SLIT2: variants seen among roughly 807,000 people sequenced by gnomAD.
SLIT2 encodes the protein slit guidance ligand 2.
In SLIT2, 41 loss-of-function variants were observed where a neutral mutation model predicts 185.7. The ratio of observed to expected loss-of-function variants is 0.22; its 90% confidence interval spans 0.17 to 0.29. SLIT2 has a LOEUF of 0.29. SLIT2 is among the 10% of genes least tolerant of loss of function. The pLI is 1.00. For missense variants in SLIT2, 1,571 were observed against 1,909.0 expected (o/e 0.82, Z 3.30); for synonymous variants, 693 against 680.2 (o/e 1.02, Z -0.29).
At chr4:20,478,285 G>A (rs986862814) in intron 5 of SLIT2, among the ~76,000 whole-genome samples, 4 of 152,132 alleles carry the variant, frequency 2.6e-5, no homozygotes, top group Non-Finnish European at 4.4e-5. Flanking sequence ...AGATATAACA[G>A]TATTCAGAGA....
At chr4:20,283,035 T>A (rs1274534012) in intron 4 of SLIT2, among the ~76,000 whole-genome samples, 2 of 152,206 alleles carry the variant, frequency 1.3e-5, no homozygotes. Context: ...GAATATTTTC[T>A]AACAATTTCA....
chr4:20,443,245 A>G (rs115707845), intron 4 of SLIT2, among the ~76,000 whole-genome samples: 2,573 of 152,298 alleles, frequency 0.017, 33 homozygotes, highest in Non-Finnish European at 0.021. Context: ...TAAAAAGGCT[A>G]CTGGAATTTT....
At chr4:20,458,038 G>T (rs894827326) in intron 4 of SLIT2, among the ~76,000 whole-genome samples, 2 of 144,924 alleles carry the variant, frequency 1.4e-5, no homozygotes, top group African/African-American at 2.6e-5. Context: ...TGGAGCCAAG[G>T]ATTTCTATTC....
At chr4:20,406,388 G>A (rs1375097690) in intron 4 of SLIT2, among the ~76,000 whole-genome samples, 1 of 143,446 alleles carries the variant, frequency 7.0e-6, no homozygotes, top group Admixed American at 7.1e-5. Context: ...TGTAATATAT[G>A]TAACCACTGA....
intron 4 of SLIT2, among the ~76,000 whole-genome samples, chr4:20,306,529 G>A (rs1437480774): frequency 6.6e-6 from 1 of 152,080 alleles, no homozygotes; most frequent in Non-Finnish European, 1.5e-5. Flanking sequence ...ACTCAAATTA[G>A]GAAGCTTGAG....
intron 4 of SLIT2, among the ~76,000 whole-genome samples, chr4:20,314,526 T>C (rs1718403986): frequency 1.3e-5 from 2 of 152,182 alleles, no homozygotes; most frequent in Admixed American, 1.3e-4. Flanking sequence ...GCTTAGTATT[T>C]TAGAAAGTGA....
chr4:20,276,031 T>C, intron 4 of SLIT2, among the ~76,000 whole-genome samples: 1 of 152,160 alleles, frequency 6.6e-6, no homozygotes, highest in East Asian at 1.9e-4. Flanking sequence ...AAGATTACTC[T>C]GTTAGCTTTG....
Position 20,548,504 on chromosome 4 carries a change from A to C in SLIT2, c.2362A>C (p.Arg788=), listed in dbSNP as rs1310219060. The C allele has an allele frequency of 5.0e-6, 8 of 1,599,074 alleles. No homozygotes were observed. Among genetic ancestry groups the C allele is most frequent in the Non-Finnish European group, 5.1e-6 (6 of 1,166,598 alleles). Residue 788 remains arginine (R), a synonymous_variant, in exon 23 of 37, where the codon AGA becomes CGA. Transcript: ENST00000504154. ...HLTLIDLSNN[R]ISTLSNQSFS... ...CTCTTTTAGAGACTTAAGTAACAAC[A>C]GAATAAGCACGCTTTCTAATCAGAG...
intron 4 of SLIT2, among the ~76,000 whole-genome samples, chr4:20,379,610 G>C (rs1041777987): frequency 6.6e-6 from 1 of 152,102 alleles, no homozygotes; most frequent in Non-Finnish European, 1.5e-5. Context: ...ACCTGCCTTT[G>C]ACTATTTTGA....
At chr4:20,567,681 C>A in intron 28 of SLIT2, 66 bp downstream of exon 28, 1 of 1,239,594 alleles carries the variant, frequency 8.1e-7, no homozygotes, top group Non-Finnish European at 1.2e-6. Flanking sequence ...AGCCAACATA[C>A]ATTTTCCTTT....
chr4:20,264,343 G>A (rs188447920), intron 3 of SLIT2, among the ~76,000 whole-genome samples: 2 of 151,724 alleles, frequency 1.3e-5, no homozygotes, highest in African/African-American at 4.8e-5. Flanking sequence ...GGTTAGAAAT[G>A]GTAGGCTTTG....
intron 4 of SLIT2, among the ~76,000 whole-genome samples, chr4:20,381,213 A>G (rs566270653): frequency 6.6e-6 from 1 of 152,194 alleles, no homozygotes; most frequent in South Asian, 2.1e-4. Context: ...AGGTTGCGCA[A>G]CTGGGCTCCA....
At chr4:20,386,616 T>C (rs1428633941) in intron 4 of SLIT2, among the ~76,000 whole-genome samples, 2 of 152,182 alleles carry the variant, frequency 1.3e-5, no homozygotes, top group Admixed American at 6.5e-5. Flanking sequence ...TATTATTCAG[T>C]CCTCAACCAC....
intron 4 of SLIT2, among the ~76,000 whole-genome samples, chr4:20,418,161 A>G (rs944706849): frequency 6.6e-6 from 1 of 152,174 alleles, no homozygotes; most frequent in Non-Finnish European, 1.5e-5. Context: ...GAGGCCAAAC[A>G]AATAAAAATT....
At chr4:20,396,314 C>T (rs1357076711) in intron 4 of SLIT2, among the ~76,000 whole-genome samples, 1 of 151,732 alleles carries the variant, frequency 6.6e-6, no homozygotes, top group Non-Finnish European at 1.5e-5. Flanking sequence ...TAAATGAAGG[C>T]ACAAATGAAA....
chr4:20,324,026 G>A (rs765197143), intron 4 of SLIT2, among the ~76,000 whole-genome samples: 3 of 152,104 alleles, frequency 2.0e-5, no homozygotes, highest in Admixed American at 6.6e-5. Flanking sequence ...ACTTAAAAGC[G>A]GGGAAGAAAC....
intron 4 of SLIT2, among the ~76,000 whole-genome samples, chr4:20,353,632 A>C (rs1043238472): frequency 1.3e-5 from 2 of 152,194 alleles, no homozygotes; most frequent in African/African-American, 4.8e-5. Context: ...TTTTACTTGC[A>C]CTTGGAGAAT....
In SLIT2 at chr4:20,486,662, C is replaced by T. The variant is rs188364184; in HGVS notation, c.611+391C>T. Among the ~76,000 whole-genome samples the T allele has an allele frequency of 3.7e-4, 56 of 152,186 alleles. No homozygotes were observed. The East Asian group carries it at 7.7e-3, about 21-fold the overall frequency. ...ACTGGTTCTTCAACATTCCTTATAA[C>T]GTGAAATTATAGCATCACCCTCTAG... On this transcript the variant is annotated intron_variant, in intron 7 of 36. Coordinates refer to ENST00000504154, the MANE Select transcript of SLIT2 (RefSeq NM_004787.4).
At chr4:20,396,911 G>A (rs1725939175) in intron 4 of SLIT2, among the ~76,000 whole-genome samples, 1 of 148,616 alleles carries the variant, frequency 6.7e-6, no homozygotes, top group Non-Finnish European at 1.5e-5. Context: ...ATTTATATTT[G>A]TAAATTTATA....
Sources: gnomAD v4.1 joint callset for allele counts (sites outside exome capture counted in the v4.1 genomes callset) on GRCh38, gnomAD v4.1.1 for gene constraint, MANE v1.5 for transcripts, NCBI Gene and HGNC (gene_info 2026-07-23, HGNC 2026-07-21) for gene names.